Variants in NCOA6 observed in about 807,000 individuals in gnomAD.
NCOA6 encodes the protein NRC RAP250.
In NCOA6, 49 loss-of-function variants were observed where a neutral mutation model predicts 171.4. That is an observed-to-expected ratio of 0.29 (90% CI 0.23 to 0.36). The LOEUF (loss-of-function observed/expected upper bound fraction) is 0.36, where lower values mean the gene tolerates loss of function less well. Among genes scored for constraint, NCOA6 ranks in the 10% least tolerant of loss-of-function variants. The pLI, the probability that NCOA6 is intolerant of heterozygous loss-of-function variation, is 1.00. For synonymous variants in NCOA6, 910 were observed against 927.5 expected (o/e 0.98, Z 0.34); for missense variants, 2,248 against 2,554.5 (o/e 0.88, Z 2.59).
chr20:34,746,928 G>GC lies in NCOA6; in HGVS notation c.2793-1dup (p.Asn931LysfsTer14). The GC allele has an allele frequency of 7.7e-7, 1 of 1,304,294 alleles. No homozygotes were observed. The highest frequency in any genetic ancestry group is 9.8e-7 in the Non-Finnish European group (1 of 1,017,188). The allele number at this position is 1,304,294 out of a possible 1,614,324, so 80.8% of individuals were successfully genotyped here. ...GACCAGCTGGGCGAGTATCTGGGGT[G>GC]CTAAAAAAAAAAAAAAAAAAAAAAG... On this transcript the variant is annotated frameshift_variant and splice_region_variant. Coordinates refer to ENST00000359003, the MANE Select transcript of NCOA6 (RefSeq NM_014071.5). LOFTEE classifies it high-confidence loss of function.
At chr20:34,820,469 A>T (rs1260489532) in intron 1 of NCOA6, 2 of 151,874 alleles carry the variant, frequency 1.3e-5, no homozygotes, top group Non-Finnish European at 2.9e-5. Context: ...CTTAAAACAG[A>T]TGTTTTAAAA....
At chr20:34,806,791 G>A (rs899038711) in intron 1 of NCOA6, among the ~76,000 whole-genome samples, 3 of 152,182 alleles carry the variant, frequency 2.0e-5, no homozygotes, top group African/African-American at 7.2e-5. Flanking sequence ...GTGCCATGCT[G>A]TTTTGGTTAC....
intron 4 of NCOA6, among the ~76,000 whole-genome samples, chr20:34,770,228 C>T (rs543640897): frequency 3.9e-4 from 59 of 152,146 alleles, no homozygotes; most frequent in Non-Finnish European, 6.5e-4. Context: ...TTAGTAGAGA[C>T]GGGGTTTCAC....
At chr20:34,732,277 T>C (rs1192407884) in intron 13 of NCOA6, among the ~76,000 whole-genome samples, 1 of 152,210 alleles carries the variant, frequency 6.6e-6, no homozygotes, top group African/African-American at 2.4e-5. Context: ...TCCCATATAT[T>C]GAACATTTAC....
intron 13 of NCOA6, among the ~76,000 whole-genome samples, chr20:34,730,128 G>A (rs928711135): frequency 2.0e-5 from 3 of 151,892 alleles, no homozygotes; most frequent in Non-Finnish European, 2.9e-5. Flanking sequence ...GGTGTGGGTA[G>A]TGCAATCATG....
chr20:34,769,630 CTAGGA>C (rs1238028122), intron 4 of NCOA6, among the ~76,000 whole-genome samples: 1 of 152,124 alleles, frequency 6.6e-6, no homozygotes, highest in Admixed American at 6.5e-5. Flanking sequence ...TCCCAAAGTG[CTAGGA>C]TTACAGGCGT....
chr20:34,807,951 A>G (rs2146566291), intron 1 of NCOA6, among the ~76,000 whole-genome samples: 1 of 151,310 alleles, frequency 6.6e-6, no homozygotes, highest in Middle Eastern at 3.4e-3. Context: ...GGAGTTTGAG[A>G]TCACCTTGGC....
At chr20:34,743,690 A>T (rs1265256412) in intron 10 of NCOA6, among the ~76,000 whole-genome samples, 2 of 152,238 alleles carry the variant, frequency 1.3e-5, no homozygotes, top group African/African-American at 2.4e-5. Flanking sequence ...AAACTCCATC[A>T]ACATCAAGTG....
intron 1 of NCOA6, among the ~76,000 whole-genome samples, chr20:34,796,398 T>C (rs184706953): frequency 5.6e-4 from 85 of 152,048 alleles, no homozygotes; most frequent in Admixed American, 1.4e-3. Context: ...GGAGGGCAGA[T>C]TGCTTGAGCC....
intron 5 of NCOA6, 149 bp from the exon 6 acceptor site, chr20:34,759,082 C>T: frequency 1.2e-6 from 1 of 828,626 alleles, no homozygotes; most frequent in African/African-American, 1.8e-5. Context: ...CCAAGTGGCA[C>T]AATCACAGCT....
At chr20:34,799,562 G>C (rs556395119) in intron 1 of NCOA6, among the ~76,000 whole-genome samples, 3 of 152,020 alleles carry the variant, frequency 2.0e-5, no homozygotes, top group African/African-American at 7.2e-5. Context: ...AAAGGTCAAC[G>C]ATAAAGAAAG....
intron 1 of NCOA6, among the ~76,000 whole-genome samples, chr20:34,812,882 C>T (rs1273665472): frequency 1.3e-5 from 2 of 152,022 alleles, no homozygotes; most frequent in African/African-American, 4.8e-5. Flanking sequence ...CGGCCGGTCA[C>T]AGTGACTCAT....
chr20:34,781,075 T>C (rs955778243), intron 3 of NCOA6, among the ~76,000 whole-genome samples: 1 of 152,242 alleles, frequency 6.6e-6, no homozygotes, highest in African/African-American at 2.4e-5. Flanking sequence ...ACCTTTATAA[T>C]ATATAACTAT....
chr20:34,721,668 C>CGCT, intron 14 of NCOA6, among the ~76,000 whole-genome samples: 1 of 152,240 alleles, frequency 6.6e-6, no homozygotes, highest in East Asian at 1.9e-4. Context: ...CAGTAATGCT[C>CGCT]GCTTGCCCAC....
At chr20:34,775,672 CAAAAAAAAAAAAA>C (rs570763953) in intron 4 of NCOA6, among the ~76,000 whole-genome samples, 5 of 77,572 alleles carry the variant, frequency 6.4e-5, no homozygotes, top group East Asian at 3.4e-4. Flanking sequence ...GACTCTGTCT[CAAAAAAAAAAAAA>C]AAAAAAAGAA....
intron 2 of NCOA6, among the ~76,000 whole-genome samples, chr20:34,791,197 A>C (rs1483599223): frequency 6.6e-6 from 1 of 152,208 alleles, no homozygotes; most frequent in Non-Finnish European, 1.5e-5. Flanking sequence ...TTTCAACCTG[A>C]TGCATTTTTA....
rs375956739 is a variant in NCOA6 at position 34,757,295 on chromosome 20, C to T, written c.1453G>A (p.Val485Met). Residue 485 changes from valine to methionine, a missense_variant, in exon 7 of 15, where the codon GTG becomes ATG. By Grantham distance (21) the Val-to-Met change is conservative. Coordinates refer to ENST00000359003, the MANE Select transcript of NCOA6 (RefSeq NM_014071.5). ...GRNPMVQQGN[V>M]PPNFMVMQQQ... ...TGCATCACCATGAAGTTAGGTGGCA[C>T]ATTTCCCTGTTGAACCATAGGATTC... 6.2e-7 allele frequency: 1 copy of T among 1,613,680 alleles called. No homozygotes were observed. Among genetic ancestry groups the T allele is most frequent in the African/African-American group, 1.3e-5 (1 of 74,930 alleles).
rs970610478 is a variant in NCOA6, at chr20:34,794,552, C to T, written c.-163-1989G>A. On this transcript the variant is annotated intron_variant, in intron 1 of 14. Transcript: ENST00000359003. ...AAGGAAAATGCTGTCTGTGTACTGA[C>T]ACAAAAAGATCTCCAAGATATATTT... 5.3e-5 allele frequency among the ~76,000 whole-genome samples: 8 copies of T among 151,674 alleles called. No homozygotes were observed. In the East Asian group the frequency reaches 1.4e-3, roughly 26 times the overall value.
chr20:34,784,833 C>T (rs2077622868), intron 2 of NCOA6, among the ~76,000 whole-genome samples: 1 of 152,036 alleles, frequency 6.6e-6, no homozygotes, highest in South Asian at 2.1e-4. Flanking sequence ...GTAATCCCAG[C>T]ACTTTAGGCG....
Sources: gnomAD v4.1 joint callset for allele counts (sites outside exome capture counted in the v4.1 genomes callset) on GRCh38, gnomAD v4.1.1 for gene constraint, MANE v1.5 for transcripts, NCBI Gene and HGNC (gene_info 2026-07-23, HGNC 2026-07-21) for gene names.